The following DNAH14 variants were observed in gnomAD, a reference collection of about 807,000 sequenced individuals.
DNAH14 encodes axonemal beta dynein heavy chain 14.
Under a neutral mutation model 520.9 loss-of-function variants are expected in DNAH14, and 478 were observed. That is an observed-to-expected ratio of 0.92 (90% CI 0.85 to 0.99). The LOEUF (loss-of-function observed/expected upper bound fraction) is 0.99, where lower values mean the gene tolerates loss of function less well. Among genes scored for constraint, DNAH14 ranks in the 50% least tolerant of loss-of-function variants. DNAH14 has a pLI of 0.00. For missense variants in DNAH14, 4,831 were observed against 5,234.5 expected, an observed-to-expected ratio of 0.92 and a Z score of 2.38; for synonymous variants, 1,581 against 1,757.2, an observed-to-expected ratio of 0.90 and a Z score of 2.51.
chr1:225,347,269 A>G (rs1053654635), intron 71 of DNAH14, among the ~76,000 whole-genome samples: 1 of 152,222 alleles, frequency 6.6e-6, no homozygotes, highest in African/African-American at 2.4e-5. Flanking sequence ...AACAATATAC[A>G]GATCAGAATA....
chr1:225,284,754 A>C (rs1182860576), intron 54 of DNAH14, among the ~76,000 whole-genome samples: 1 of 152,206 alleles, frequency 6.6e-6, no homozygotes, highest in Non-Finnish European at 1.5e-5. Flanking sequence ...TTAACAAACC[A>C]AAACCAGCAA....
intron 84 of DNAH14, among the ~76,000 whole-genome samples, chr1:225,392,857 G>A (rs899452102): frequency 6.6e-6 from 1 of 152,180 alleles, no homozygotes; most frequent in African/African-American, 2.4e-5. Flanking sequence ...GGTGCTAAGT[G>A]GAAACCTACA....
chr1:225,261,660 T>G (rs2774927), intron 46 of DNAH14, among the ~76,000 whole-genome samples: 151,907 of 152,194 alleles, frequency 1, 75,811 homozygotes, highest in Middle Eastern at 1. Flanking sequence ...CTTGTGAAAT[T>G]AGTTTGGCAG....
chr1:225,210,632 C>T (rs1559301664), intron 41 of DNAH14, among the ~76,000 whole-genome samples: 1 of 152,198 alleles, frequency 6.6e-6, no homozygotes, highest in Non-Finnish European at 1.5e-5. Flanking sequence ...AGTGGCTCTT[C>T]CAGCACAGTG....
intron 44 of DNAH14, 112 bp from the exon 45 acceptor site, chr1:225,257,848 T>G (rs2092794237): frequency 3.2e-6 from 3 of 936,284 alleles, no homozygotes; most frequent in Non-Finnish European, 4.6e-6. Flanking sequence ...CATGTACTTT[T>G]CATATATACA....
At position 225,145,360 on chromosome 1, in the gene DNAH14, T is replaced by G. The variant is rs1385674449; in HGVS notation, c.4775T>G (p.Phe1592Cys). Residue 1592 changes from phenylalanine to cysteine, a missense_variant, in exon 30 of 86, where the codon TTT becomes TGT. Transcript: ENST00000682510. Reference protein sequence around the residue: ...LGKHCVVFNCFEDLDYKIVRK... With the variant: ...LGKHCVVFNCCEDLDYKIVRK... ...AAACATTGTGTGGTCTTCAACTGTT[T>G]TGAGGATTTGGATTATAAGGTAAAC... The G allele has an allele frequency of 6.5e-7, 1 of 1,547,284 alleles. No homozygotes were observed. The highest frequency in any genetic ancestry group is 2.5e-5 in the East Asian group (1 of 40,710).
At chr1:225,120,814 A>T (rs2077229223) in intron 26 of DNAH14, among the ~76,000 whole-genome samples, 1 of 152,252 alleles carries the variant, frequency 6.6e-6, no homozygotes. Context: ...AAAAAAGACA[A>T]GCAGTTTTTC....
chr1:225,275,970 G>A lies in DNAH14; in HGVS notation c.8067G>A (p.Leu2689=). ...MNHSTVFLDF[L]DINKTHRKKI... is the part of the protein sequence containing the mutation. ...ACTCAACTGTATTTTTGGACTTCTT[G>A]GATATAAACAAGACTCATAGAAAAA... Residue 2689 remains leucine, a synonymous_variant, in exon 53 of 86, where the codon TTG becomes TTA. Coordinates refer to ENST00000682510, the MANE Select transcript of DNAH14 (RefSeq NM_001367479.1). The A allele has an allele frequency of 2.5e-6, 1 of 400,448 alleles. No individual in the cohort carries two copies. The highest frequency in any genetic ancestry group is 8.3e-5 in the East Asian group (1 of 12,094). 24.8% of individuals were successfully genotyped at this position (400,448 alleles called of 1,614,324 possible).
Position 225,042,845 on chromosome 1 carries a change from G to C in DNAH14, c.1499G>C (p.Ser500Thr). ...TATCCGTTAAATTAGATTTTGAATA[G>C]TGTTGAAGTGGGGAAGGATTTGAGA... The part of the protein sequence containing the change: ...TDTDINEILN[S>T]VEVGKDLRKT... The change falls in exon 13 of 86, where the codon AGT becomes ACT. Residue 500 changes from serine to threonine, a missense_variant. By Grantham distance (58) the Ser-to-Thr change is moderately conservative (BLOSUM62 1). Coordinates refer to ENST00000682510, the MANE Select transcript of DNAH14 (RefSeq NM_001367479.1). The C allele has an allele frequency of 6.4e-7, 1 of 1,550,928 alleles. No homozygotes were observed.
intron 22 of DNAH14, among the ~76,000 whole-genome samples, chr1:225,100,512 G>T (rs2075357445): frequency 6.6e-6 from 1 of 152,068 alleles, no homozygotes; most frequent in African/African-American, 2.4e-5. Flanking sequence ...GATGGTTGTT[G>T]TGTCTAATTT....
intron 44 of DNAH14, among the ~76,000 whole-genome samples, chr1:225,254,601 A>C (rs1367824231): frequency 6.6e-6 from 1 of 152,194 alleles, no homozygotes; most frequent in African/African-American, 2.4e-5. Context: ...ATGAATTTAG[A>C]TAAAAGTTAA....
Position 225,080,483 on chromosome 1 carries a change from A to G in DNAH14, c.2871A>G (p.Lys957=). The G allele has an allele frequency of 6.4e-7, 1 of 1,551,812 alleles. No individual in the cohort carries two copies. Among genetic ancestry groups the G allele is most frequent in the Non-Finnish European group, 8.7e-7 (1 of 1,147,012 alleles). The change falls in exon 19 of 86, where the codon AAA becomes AAG. Residue 957 remains lysine (K), a synonymous_variant. Coordinates refer to ENST00000682510, the MANE Select transcript of DNAH14 (RefSeq NM_001367479.1). The part of the protein sequence containing the change: ...GEAASLTNKA[K]AYSHYQDCFS... The stretch of plus-strand genomic sequence containing the variant: ...CTGCAAGTTTAACTAACAAAGCTAA[A>G]GCATATTCACATTATCAGGATTGTT...
chr1:225,264,321 T>C, intron 47 of DNAH14, 60 bp downstream of exon 47: 1 of 1,281,276 alleles, frequency 7.8e-7, no homozygotes, highest in East Asian at 2.6e-5. Context: ...CAACCATGTG[T>C]ATATTATTTC....
At chr1:224,990,306 T>C (rs913820954) in intron 8 of DNAH14, among the ~76,000 whole-genome samples, 7 of 152,204 alleles carry the variant, frequency 4.6e-5, no homozygotes, top group African/African-American at 1.7e-4. Flanking sequence ...CAAACACTTA[T>C]ATTTTTGGGT....
chr1:225,200,450 C>T (rs995339524), intron 38 of DNAH14, among the ~76,000 whole-genome samples: 4 of 151,852 alleles, frequency 2.6e-5, no homozygotes, highest in African/African-American at 7.3e-5. Flanking sequence ...GAGATTTATG[C>T]TTTAAAGAGG....
At chr1:225,362,666 A>G (rs1447770154) in intron 75 of DNAH14, among the ~76,000 whole-genome samples, 2 of 152,164 alleles carry the variant, frequency 1.3e-5, no homozygotes, top group African/African-American at 4.8e-5. Flanking sequence ...CTATTAAAAA[A>G]CAAAATGAAA....
chr1:225,038,133 T>C (rs2067141108), intron 11 of DNAH14, among the ~76,000 whole-genome samples: 1 of 152,226 alleles, frequency 6.6e-6, no homozygotes, highest in South Asian at 2.1e-4. Flanking sequence ...GTATTGATGA[T>C]AAGTGTCTGG....
Position 225,337,935 on chromosome 1 carries a change from A to G in DNAH14, c.10312-126A>G, listed in dbSNP as rs1014770300. On this transcript the variant is annotated intron_variant, in intron 67 of 85. Coordinates refer to ENST00000682510, the MANE Select transcript of DNAH14 (RefSeq NM_001367479.1). The stretch of plus-strand genomic sequence containing the variant: ...TGATTGACTATAGTCACCCTGTTGT[A>G]CTATGAAATACTAGGTCTTATTCAT... 4 of 870,248 alleles carry G rather than the reference A, an allele frequency of 4.6e-6. No individual in the cohort carries two copies. In the African/African-American group the frequency reaches 6.9e-5, roughly 15 times the overall value. 53.9% of individuals were successfully genotyped at this position (870,248 alleles called of 1,614,324 possible).
Position 225,207,415 on chromosome 1 carries a change from A to T in DNAH14, c.6439+195A>T, listed in dbSNP as rs75269117. Among the ~76,000 whole-genome samples, 348 of 152,360 alleles carry T rather than the reference A, an allele frequency of 2.3e-3. 3 individuals carry two copies. Among genetic ancestry groups the T allele is most frequent in the East Asian group, 0.023 (118 of 5,186 alleles). The stretch of plus-strand genomic sequence containing the variant: ...CATATCAAAAGTAAATTAGTATCAT[A>T]CAAGTGTTGAAGGATCACAGGAAAA... On this transcript the variant is annotated intron_variant, in intron 41 of 85. Coordinates refer to ENST00000682510, the MANE Select transcript of DNAH14 (RefSeq NM_001367479.1).
Sources: gnomAD v4.1 joint callset for allele counts (sites outside exome capture counted in the v4.1 genomes callset) on GRCh38, gnomAD v4.1.1 for gene constraint, MANE v1.5 for transcripts, NCBI Gene and HGNC (gene_info 2026-07-23, HGNC 2026-07-21) for gene names.